Variants in ALMS1 observed in about 807,000 individuals in gnomAD.
The protein encoded by ALMS1 is ALMS1 centrosome and basal body associated protein, also known as centrosome-associated protein ALMS1.
In ALMS1, 271 loss-of-function variants were observed where a neutral mutation model predicts 352.2. The ratio of observed to expected loss-of-function variants is 0.77; its 90% confidence interval spans 0.70 to 0.85. ALMS1 has a LOEUF of 0.85. Ranked by LOEUF, ALMS1 falls within the 40% of genes least tolerant of loss-of-function variation. ALMS1 has a pLI of 0.00. For synonymous variants in ALMS1, 1,865 were observed against 1,761.2 expected (o/e 1.06, Z -1.48); for missense variants, 5,445 against 4,870.7 (o/e 1.12, Z -3.51).
At position 73,609,749 on chromosome 2, in the gene ALMS1, GTC is replaced by G. The variant is rs1675899162; in HGVS notation, c.*139_*140del. ...TTTTAGAAATAGTAACTTCTAAAGAGTCTGGAACAAAGTGGTGATTAAAATTC... is the reference window on the plus strand; with the variant it reads ...TTTTAGAAATAGTAACTTCTAAAGAGTGGAACAAAGTGGTGATTAAAATTC... On this transcript the variant is annotated 3_prime_UTR_variant, in exon 23 of 23. Coordinates refer to ENST00000613296, the MANE Select transcript of ALMS1 (RefSeq NM_001378454.1). 6.8e-6 allele frequency: 6 copies of G among 880,528 alleles called. No individual in the cohort carries two copies. The highest frequency in any genetic ancestry group is 1.1e-5 in the Non-Finnish European group (6 of 547,074). 54.5% of individuals were successfully genotyped at this position (880,528 alleles called of 1,614,324 possible).
chr2:73,519,898 T>A lies in ALMS1; in HGVS notation c.9663T>A (p.Asn3221Lys). 1 of 1,614,150 alleles carries A rather than the reference T, an allele frequency of 6.2e-7. No individual in the cohort carries two copies. Among genetic ancestry groups the A allele is most frequent in the East Asian group, 2.2e-5 (1 of 44,878 alleles). ...KTLFSSEIFI[N>K]AEDRGHEIIE... ...TATTTTCATCTGAGATTTTTATTAA[T>A]GCTGAAGATCGTGGACATGAAATTA... The change falls in exon 11 of 23, where the codon AAT (asparagine) becomes AAA (lysine). Residue 3221 changes from asparagine to lysine, a missense_variant. Transcript: ENST00000613296.
At chr2:73,430,304 C>G (rs1054470263) in intron 6 of ALMS1, among the ~76,000 whole-genome samples, 15 of 152,238 alleles carry the variant, frequency 9.9e-5, no homozygotes, top group African/African-American at 3.4e-4. Context: ...TCTCGATCTC[C>G]TGACTTCGTG....
chr2:73,396,480 G>A (rs1230577478), intron 1 of ALMS1, among the ~76,000 whole-genome samples: 1 of 150,806 alleles, frequency 6.6e-6, no homozygotes, highest in Non-Finnish European at 1.5e-5. Context: ...TATTGGTTTT[G>A]GAAGAGTTTG....
At position 73,600,739 on chromosome 2, in the gene ALMS1, A is replaced by G; in HGVS notation, c.11730A>G (p.Pro3910=). ...KHTRDVGITF[P]TPSSSEAKLE... is the part of the protein sequence containing the mutation. ...CTCGAGATGTTGGGATAACTTTCCCAACTCCAAGTTCCAGCGAGGCTAAAT... is the reference window on the plus strand; with the variant it reads ...CTCGAGATGTTGGGATAACTTTCCCGACTCCAAGTTCCAGCGAGGCTAAAT... The change falls in exon 18 of 23, where the codon CCA becomes CCG. Residue 3910 remains proline (P), a synonymous_variant. Coordinates refer to ENST00000613296, the MANE Select transcript of ALMS1 (RefSeq NM_001378454.1). 2 of 1,614,234 alleles carry G rather than the reference A, an allele frequency of 1.2e-6. No homozygotes were observed. The highest frequency in any genetic ancestry group is 1.7e-6 in the Non-Finnish European group (2 of 1,180,040).
At chr2:73,409,988 G>A (rs1437057521) in intron 2 of ALMS1, among the ~76,000 whole-genome samples, 1 of 152,186 alleles carries the variant, frequency 6.6e-6, no homozygotes, top group East Asian at 1.9e-4. Context: ...CTCTTGCTCA[G>A]CCTTTTGTTG....
chr2:73,573,541 T>G, intron 16 of ALMS1, 117 bp downstream of exon 16: 1 of 1,019,176 alleles, frequency 9.8e-7, no homozygotes, highest in Non-Finnish European at 1.5e-6. Flanking sequence ...CTATACCATT[T>G]CTTACCAACT....
At chr2:73,478,964 T>C (rs1025369151) in intron 9 of ALMS1, among the ~76,000 whole-genome samples, 1 of 152,148 alleles carries the variant, frequency 6.6e-6, no homozygotes, top group Admixed American at 6.6e-5. Flanking sequence ...CCTGTGTTAG[T>C]TTGCTGAGAA....
intron 15 of ALMS1, among the ~76,000 whole-genome samples, chr2:73,570,690 C>A (rs1674908723): frequency 6.6e-6 from 1 of 152,026 alleles, no homozygotes; most frequent in African/African-American, 2.4e-5. Flanking sequence ...GAAGCAAGGT[C>A]TGGAAGGGAA....
At chr2:73,555,229 G>T (rs1023517483) in intron 13 of ALMS1, among the ~76,000 whole-genome samples, 3 of 152,186 alleles carry the variant, frequency 2.0e-5, no homozygotes, top group African/African-American at 7.2e-5. Flanking sequence ...CTTATTACAT[G>T]TGTAGCTTAT....
chr2:73,386,740 G>A (rs1167010090), intron 1 of ALMS1, among the ~76,000 whole-genome samples: 4 of 152,158 alleles, frequency 2.6e-5, no homozygotes, highest in Non-Finnish European at 5.9e-5. Flanking sequence ...TTGGAATGCA[G>A]GAGGCTTGTG....
Position 73,411,736 on chromosome 2 carries a change from A to G in ALMS1, c.450+2989A>G, listed in dbSNP as rs544440000. ...TTCATGGAAAACTAGCTCTTGCTAC[A>G]TTGTCTTCCTCTCTTTTATTGGTTT... On this transcript the variant is annotated intron_variant, in intron 2 of 22. Transcript: ENST00000613296. Among the ~76,000 whole-genome samples the G allele has an allele frequency of 1.2e-4, 19 of 152,194 alleles. 1 individual carries two copies. The South Asian group carries it at 3.7e-3, about 30-fold the overall frequency.
At chr2:73,503,293 C>T (rs1673254222) in intron 10 of ALMS1, among the ~76,000 whole-genome samples, 1 of 152,034 alleles carries the variant, frequency 6.6e-6, no homozygotes, top group Admixed American at 6.6e-5. Flanking sequence ...GTTCCCCTTC[C>T]TGTGTCCATG....
Position 73,601,270 on chromosome 2 carries a change from C to T in ALMS1, c.11948C>T (p.Pro3983Leu), listed in dbSNP as rs754031448. The change falls in exon 19 of 23, where the codon CCT becomes CTT. Residue 3983 changes from proline (P) to leucine (L), a missense_variant. Pro to Leu is a moderately conservative substitution (Grantham distance 98, BLOSUM62 -3). Transcript: ENST00000613296. Reference protein sequence around the residue: ...KKENVPNTCGPGISWFEPITK... With the variant: ...KKENVPNTCGLGISWFEPITK... Reference sequence around the variant, plus strand: ...GAAAACGTGCCTAACACTTGTGGCCCTGGCATCTCCTGGTTTGAACCAATA... The same window carrying T: ...GAAAACGTGCCTAACACTTGTGGCCTTGGCATCTCCTGGTTTGAACCAATA... The T allele has an allele frequency of 2.5e-6, 4 of 1,614,236 alleles. No homozygotes were observed. The highest frequency in any genetic ancestry group is 1.3e-5 in the African/African-American group (1 of 75,060).
intron 9 of ALMS1, among the ~76,000 whole-genome samples, chr2:73,474,557 G>A (rs141692630): frequency 0.011 from 1,626 of 152,020 alleles, 27 homozygotes; most frequent in Non-Finnish European, 0.015. Flanking sequence ...TCACTGCAAT[G>A]TCCACCTCCC....
rs753141297 is a variant in ALMS1 at position 73,451,935 on chromosome 2, C to T, written c.5408C>T (p.Ser1803Phe). 3.7e-6 allele frequency: 6 copies of T among 1,613,964 alleles called. No individual in the cohort carries two copies. In the East Asian group the frequency reaches 6.7e-5, roughly 18 times the overall value. The part of the protein sequence containing the change: ...DQKTGVSTVT[S>F]TSYSHREKPI... ...AAGACTGGGGTATCAACAGTAACCT[C>T]TACTTCCTACTCACACAGAGAGAAG... The change falls in exon 8 of 23, where the codon TCT becomes TTT. Residue 1803 changes from serine to phenylalanine, a missense_variant. Transcript: ENST00000613296.
Position 73,490,618 on chromosome 2 carries a change from C to T in ALMS1, c.8659C>T (p.Leu2887Phe). 2 of 1,614,168 alleles carry T rather than the reference C, an allele frequency of 1.2e-6. No homozygotes were observed. Among genetic ancestry groups the T allele is most frequent in the Non-Finnish European group, 1.7e-6 (2 of 1,180,034 alleles). Residue 2887 changes from leucine to phenylalanine, a missense_variant, in exon 10 of 23, where the codon CTC becomes TTC. By Grantham distance (22) the Leu-to-Phe change is conservative (BLOSUM62 0). Coordinates refer to ENST00000613296, the MANE Select transcript of ALMS1 (RefSeq NM_001378454.1). ...TTGCATTTTTCTTGAACAACGAGAG[C>T]TCTTTGAACAAAGCAAAGCCCCACG... ...PSCIFLEQRE[L>F]FEQSKAPRAD...
rs778918786 is a variant in ALMS1, at chr2:73,490,548, A to G, written c.8589A>G (p.Leu2863=). The part of the protein sequence containing the change: ...TLGVNRSSSR[L]GVKEKNVTIT... ...GAGTAAACAGATCGAGTTCCAGACT[A>G]GGAGTAAAAGAGAAGAATGTAACTA... Residue 2863 remains leucine, a synonymous_variant, in exon 10 of 23, where the codon CTA becomes CTG. Coordinates refer to ENST00000613296, the MANE Select transcript of ALMS1 (RefSeq NM_001378454.1). The G allele has an allele frequency of 2.0e-5, 33 of 1,614,166 alleles. No homozygotes were observed. The highest frequency in any genetic ancestry group is 2.5e-5 in the Non-Finnish European group (30 of 1,180,024).
chr2:73,473,607 A>G (rs888622705), intron 9 of ALMS1, among the ~76,000 whole-genome samples: 20 of 152,132 alleles, frequency 1.3e-4, no homozygotes, highest in African/African-American at 4.6e-4. Context: ...AATGTACTCA[A>G]TGAGCTGAAC....
At chr2:73,557,484 GTATA>G in intron 14 of ALMS1, 130 bp downstream of exon 14, 1 of 1,182,980 alleles carries the variant, frequency 8.5e-7, no homozygotes. Context: ...TCTATCTCAT[GTATA>G]TATGAAATAG....
Sources: allele counts gnomAD v4.1 joint callset (sites outside exome capture counted in the v4.1 genomes callset), GRCh38; gene constraint gnomAD v4.1.1; transcripts MANE v1.5; gene names NCBI Gene and HGNC (gene_info 2026-07-23, HGNC 2026-07-21).